RMI1: variants seen among roughly 807,000 people sequenced by gnomAD.
RMI1 encodes the protein RecQ mediated genome instability 1, also known as recQ-mediated genome instability protein 1.
A neutral mutation model predicts 46.7 loss-of-function variants in RMI1; 36 were observed. The ratio of observed to expected loss-of-function variants is 0.77; its 90% CI spans 0.59 to 1.02. The LOEUF is 1.02. Ranked by LOEUF, RMI1 falls within the 50% of genes least tolerant of loss-of-function variation. RMI1 has a pLI of 0.00. For missense variants in RMI1, 676 were observed against 713.7 expected (o/e 0.95, Z 0.60); for synonymous variants, 250 against 252.9 (o/e 0.99, Z 0.11).
At chr9:83,997,665 A>G (rs1235859391) in intron 1 of RMI1, among the ~76,000 whole-genome samples, 2 of 152,048 alleles carry the variant, frequency 1.3e-5, no homozygotes, top group African/African-American at 4.8e-5. Context: ...TGAGAGCAGC[A>G]CTGAGGGGGA....
Position 84,002,554 on chromosome 9 carries a change from G to C in RMI1, c.1568G>C (p.Ser523Thr). ...GTAACCTTAACTGGAAATCTCTCAA[G>C]TTCTGGTGGTATTTGGAGTATAACT... is the stretch of plus-strand genomic sequence containing the variant. Reference protein sequence around the residue: ...FIVTLTGNLSSSGGIWSITAK... With the variant: ...FIVTLTGNLSTSGGIWSITAK... The change falls in exon 3 of 3, where the codon AGT becomes ACT. Residue 523 changes from serine (S) to threonine (T), a missense_variant. Ser to Thr is a moderately conservative substitution (Grantham distance 58). Transcript: ENST00000445877. 1.9e-6 allele frequency: 3 copies of C among 1,613,982 alleles called. No homozygotes were observed. The highest frequency in any genetic ancestry group is 1.7e-6 in the Non-Finnish European group (2 of 1,179,920).
chr9:83,980,657 C>A (rs1222128428), upstream of RMI1: 3 of 152,608 alleles, frequency 2.0e-5, no homozygotes, highest in African/African-American at 7.3e-5. Flanking sequence ...GGCTAGGGGG[C>A]GAACCTCTCG....
At chr9:83,989,128 G>A (rs1374012810) in intron 1 of RMI1, among the ~76,000 whole-genome samples, 1 of 152,172 alleles carries the variant, frequency 6.6e-6, no homozygotes, top group Non-Finnish European at 1.5e-5. Context: ...CAAAGTGCCA[G>A]GCTTATAGGT....
At chr9:83,987,051 C>G (rs1244066358) in intron 1 of RMI1, among the ~76,000 whole-genome samples, 1 of 151,718 alleles carries the variant, frequency 6.6e-6, no homozygotes, top group Non-Finnish European at 1.5e-5. Context: ...TGGGTTCCTT[C>G]CCTCCCCTCC....
intron 1 of RMI1, among the ~76,000 whole-genome samples, chr9:83,987,998 A>C (rs532686449): frequency 1.3e-5 from 2 of 151,004 alleles, no homozygotes; most frequent in South Asian, 2.1e-4. Flanking sequence ...TGATCCTCCT[A>C]CCTCTGCCTC....
At position 84,001,948 on chromosome 9, in the gene RMI1, T is replaced by G. The variant is rs1180645383; in HGVS notation, c.962T>G (p.Leu321Arg). The G allele has an allele frequency of 6.2e-7, 1 of 1,614,064 alleles. No individual in the cohort carries two copies. Among genetic ancestry groups the G allele is most frequent in the South Asian group, 1.1e-5 (1 of 91,076 alleles). ...GACTTTTCACTGGAGGAGGCCTTGC[T>G]TTTAGAAGAAACTGTCCAGAAAGAA... ...LDDFSLEEALLLEETVQKEQM... is the reference protein window; with the variant it reads ...LDDFSLEEALRLEETVQKEQM... The change falls in exon 3 of 3, where the codon CTT (leucine) becomes CGT (arginine). Residue 321 changes from leucine (L) to arginine (R), a missense_variant. Leu to Arg is a moderately radical substitution (Grantham distance 102). Coordinates refer to ENST00000445877, the MANE Select transcript of RMI1 (RefSeq NM_001358291.2).
chr9:83,990,959 C>T (rs1957564706), intron 1 of RMI1, among the ~76,000 whole-genome samples: 1 of 152,066 alleles, frequency 6.6e-6, no homozygotes, highest in Non-Finnish European at 1.5e-5. Flanking sequence ...AGGCGTGTCC[C>T]ACCATGCCCA....
chr9:84,000,848 G>C (rs549069368), intron 2 of RMI1, 103 bp from the exon 3 acceptor site: 2 of 611,588 alleles, frequency 3.3e-6, no homozygotes, highest in African/African-American at 1.8e-5. Flanking sequence ...ATGCTGAAGA[G>C]TGAAAAATCT....
Position 84,001,309 on chromosome 9 carries a change from G to A in RMI1, c.323G>A (p.Gly108Glu), listed in dbSNP as rs1477295632. 3.7e-6 allele frequency: 6 copies of A among 1,614,110 alleles called. No individual in the cohort carries two copies. Among genetic ancestry groups the A allele is most frequent in the Non-Finnish European group, 5.1e-6 (6 of 1,179,978 alleles). The change falls in exon 3 of 3, where the codon GGA (glycine) becomes GAA (glutamate). Residue 108 changes from glycine to glutamate, a missense_variant. By Grantham distance (98) the Gly-to-Glu change is moderately conservative. Transcript: ENST00000445877. Reference sequence around the variant, plus strand: ...TACTCCCAGATACAGAAGTTGAGAGGAAAGAATACAACAAATGATCTAGTT... The same window carrying A: ...TACTCCCAGATACAGAAGTTGAGAGAAAAGAATACAACAAATGATCTAGTT... The part of the protein sequence containing the change: ...PAYSQIQKLR[G>E]KNTTNDLVTA...
rs1469786475 is a variant in RMI1, at chr9:84,003,789, A to G, written c.*925A>G. On this transcript the variant is annotated 3_prime_UTR_variant, in exon 3 of 3. Transcript: ENST00000445877. ...TTTTAAATGGCATATTGAAAACATC[A>G]TTATTAAGATCCAGTAGGTAGGACA... 1 of 166,972 alleles carries G rather than the reference A, an allele frequency of 6.0e-6. No individual in the cohort carries two copies. Among genetic ancestry groups the G allele is most frequent in the Non-Finnish European group, 1.5e-5 (1 of 68,104 alleles). The allele number at this position is 166,972 out of a possible 1,614,324, so 10.3% of individuals were successfully genotyped here. A position where few individuals can be genotyped will look rare whatever the true frequency, so the allele number is the denominator to read the frequency against.
At chr9:83,985,865 C>T (rs549523243) in intron 1 of RMI1, among the ~76,000 whole-genome samples, 43 of 152,118 alleles carry the variant, frequency 2.8e-4, no homozygotes, top group African/African-American at 9.4e-4. Context: ...AAAAATTAGC[C>T]GGGCATGGTG....
rs1194429899 is a variant in RMI1, at chr9:84,002,585, G to A, written c.1599G>A (p.Lys533=). 2 of 1,613,814 alleles carry A rather than the reference G, an allele frequency of 1.2e-6. No individual in the cohort carries two copies. Among genetic ancestry groups the A allele is most frequent in the African/African-American group, 1.3e-5 (1 of 74,910 alleles). ...GTGGTATTTGGAGTATAACTGCAAA[G>A]GTGTCTGATGGTACTGCATATCTAG... The part of the protein sequence containing the change: ...SSGGIWSITA[K]VSDGTAYLDV... Residue 533 remains lysine (K), a synonymous_variant, in exon 3 of 3, where the codon AAG becomes AAA. Transcript: ENST00000445877.
chr9:83,985,478 G>T (rs185739368), intron 1 of RMI1, among the ~76,000 whole-genome samples: 49 of 152,280 alleles, frequency 3.2e-4, no homozygotes, highest in African/African-American at 1.1e-3. Flanking sequence ...TGTTTTACAG[G>T]TGTCTTGGTT....
intron 1 of RMI1, among the ~76,000 whole-genome samples, chr9:83,986,374 A>G (rs1431444306): frequency 2.6e-5 from 4 of 152,226 alleles, no homozygotes; most frequent in African/African-American, 9.6e-5. Flanking sequence ...ATGGCCGTTT[A>G]TATGTGGATT....
rs1211837020 is a variant in RMI1 at position 84,002,290 on chromosome 9, G to C, written c.1304G>C (p.Ser435Thr). 1 of 1,602,694 alleles carries C rather than the reference G, an allele frequency of 6.2e-7. No homozygotes were observed. Among genetic ancestry groups the C allele is most frequent in the East Asian group, 2.2e-5 (1 of 44,738 alleles). ...ATAAAACAAACCAGCAGTTCAGATAGCCATTCCTTAAATAATAAAATATTA... is the reference window on the plus strand; with the variant it reads ...ATAAAACAAACCAGCAGTTCAGATACCCATTCCTTAAATAATAAAATATTA... Reference protein sequence around the residue: ...NKIKQTSSSDSHSLNNKILNR... With the variant: ...NKIKQTSSSDTHSLNNKILNR... The change falls in exon 3 of 3, where the codon AGC (serine) becomes ACC (threonine). Residue 435 changes from serine to threonine, a missense_variant. Ser to Thr is a moderately conservative substitution (Grantham distance 58). Coordinates refer to ENST00000445877, the MANE Select transcript of RMI1 (RefSeq NM_001358291.2).
chr9:84,000,955 T>C lies in RMI1; in HGVS notation c.-32T>C, dbSNP rs1294352336. 1 of 1,506,268 alleles carries C rather than the reference T, an allele frequency of 6.6e-7. No homozygotes were observed. Among genetic ancestry groups the C allele is most frequent in the African/African-American group, 1.4e-5 (1 of 71,262 alleles). The allele number at this position is 1,506,268 out of a possible 1,614,324, so 93.3% of individuals were successfully genotyped here. A position where few individuals can be genotyped will look rare whatever the true frequency, so the allele number is the denominator to read the frequency against. ...TTTTTTGTTTTTTGTTTTCAGGTAA[T>C]AGATGCATATTATTTCTTTTATTTA... On this transcript the variant is annotated 5_prime_UTR_variant, in exon 3 of 3. Coordinates refer to ENST00000445877, the MANE Select transcript of RMI1 (RefSeq NM_001358291.2).
At chr9:84,000,060 C>G (rs1404772144) in intron 2 of RMI1, among the ~76,000 whole-genome samples, 1 of 152,120 alleles carries the variant, frequency 6.6e-6, no homozygotes, top group Non-Finnish European at 1.5e-5. Flanking sequence ...ATAATTTTAT[C>G]TTTAGACCAC....
At chr9:83,983,409 C>T (rs547648199) in intron 1 of RMI1, among the ~76,000 whole-genome samples, 8 of 152,268 alleles carry the variant, frequency 5.3e-5, no homozygotes, top group East Asian at 1.9e-4. Context: ...CCCTAATTTT[C>T]GGAGTATCTT....
chr9:83,990,743 T>G (rs1957560650), intron 1 of RMI1, among the ~76,000 whole-genome samples: 1 of 152,166 alleles, frequency 6.6e-6, no homozygotes, highest in African/African-American at 2.4e-5. Context: ...TGTAGGTTAT[T>G]ATGTATCAAT....
Sources: allele counts gnomAD v4.1 joint callset (sites outside exome capture counted in the v4.1 genomes callset), GRCh38; gene constraint gnomAD v4.1.1; transcripts MANE v1.5; gene names NCBI Gene and HGNC (gene_info 2026-07-23, HGNC 2026-07-21).